The following ITGA7 variants were observed in gnomAD, a reference collection of about 807,000 sequenced individuals.
ITGA7 encodes integrin alpha-7.
ITGA7 carries 84 observed loss-of-function variants against 131.6 expected under a neutral mutation model. That is an observed-to-expected ratio of 0.64 (90% CI 0.54 to 0.77). The LOEUF (loss-of-function observed/expected upper bound fraction) is 0.77, where lower values mean the gene tolerates loss of function less well. ITGA7 is among the 30% of genes least tolerant of loss of function. The probability of loss-of-function intolerance (pLI) is 0.00; values close to 1 mark genes in which losing one functional copy is unlikely to be tolerated. For missense variants in ITGA7, 1,399 were observed against 1,482.9 expected (o/e 0.94, Z 0.93); for synonymous variants, 548 against 600.7 (o/e 0.91, Z 1.28).
intron 4 of ITGA7, chr12:55,700,506 TC>T: frequency 2.3e-6 from 3 of 1,313,026 alleles, no homozygotes; most frequent in Non-Finnish European, 3.1e-6. Context: ...TCTAGCCCTC[TC>T]CCCACCCTGT....
upstream of ITGA7, among the ~76,000 whole-genome samples, chr12:55,709,903 C>T (rs1169742576): frequency 1.3e-5 from 2 of 152,070 alleles, no homozygotes; most frequent in African/African-American, 2.4e-5. Context: ...GAGAGGCCAC[C>T]CAAAATTAGC....
rs772057526 is a variant in ITGA7, at chr12:55,701,173, G to A, written c.415-19C>T. Reference sequence around the variant, plus strand: ...CACAGGTCTGGGGGAGGAAGGGATGGGGATCATTTCACTCTGTGGGCCAGG... The same window carrying A: ...CACAGGTCTGGGGGAGGAAGGGATGAGGATCATTTCACTCTGTGGGCCAGG... On this transcript the variant is annotated intron_variant, in intron 3 of 24. Transcript: ENST00000257879. The A allele has an allele frequency of 3.7e-6, 6 of 1,614,128 alleles. No homozygotes were observed. Among genetic ancestry groups the A allele is most frequent in the Non-Finnish European group, 5.1e-6 (6 of 1,180,030 alleles).
rs113343213 is a variant in ITGA7 at position 55,698,805 on chromosome 12, G to T, written c.903C>A (p.Ser301Arg). ...TAACCTCGGGCACCAGGCGACTGGCGCTGTCCTTGCGCAGGATGACCACAG... is the reference window on the plus strand; with the variant it reads ...TAACCTCGGGCACCAGGCGACTGGCTCTGTCCTTGCGCAGGATGACCACAG... ...KGAVVILRKD[S>R]ASRLVPEVML... Residue 301 changes from serine to arginine, a missense_variant, in exon 6 of 25, where the codon AGC (serine) becomes AGA (arginine). Physicochemically the swap from Ser to Arg is moderately radical, Grantham distance 110 (BLOSUM62 -1). Coordinates refer to ENST00000257879, the MANE Select transcript of ITGA7 (RefSeq NM_002206.3). 1 of 1,614,116 alleles carries T rather than the reference G, an allele frequency of 6.2e-7. No individual in the cohort carries two copies.
At chr12:55,709,169 C>T (rs1230125572), upstream of ITGA7, among the ~76,000 whole-genome samples, 1 of 152,168 alleles carries the variant, frequency 6.6e-6, no homozygotes, top group African/African-American at 2.4e-5. Flanking sequence ...GTCTCTGCCA[C>T]ACTTGGAATC....
At chr12:55,687,612 T>C (rs1361752602) in intron 24 of ITGA7, among the ~76,000 whole-genome samples, 1 of 149,442 alleles carries the variant, frequency 6.7e-6, no homozygotes, top group Non-Finnish European at 1.5e-5. Flanking sequence ...TGCCTCAGCC[T>C]CCCAAGTAGC....
upstream of ITGA7, chr12:55,715,972 C>G: frequency 6.9e-7 from 1 of 1,457,344 alleles, no homozygotes; most frequent in Non-Finnish European, 9.0e-7. Flanking sequence ...CAACCCTCTA[C>G]CTCTCTTCCC....
chr12:55,694,659 G>T lies in ITGA7; in HGVS notation c.2233C>A (p.His745Asn). 6.2e-7 allele frequency: 1 copy of T among 1,614,152 alleles called. No individual in the cohort carries two copies. The highest frequency in any genetic ancestry group is 8.5e-7 in the Non-Finnish European group (1 of 1,180,022). Residue 745 changes from histidine to asparagine, a missense_variant, in exon 16 of 25, where the codon CAT becomes AAT. Transcript: ENST00000257879. The surrounding 1 kb of genome is among the most constrained non-coding windows in gnomAD (Gnocchi z 5.3). ...GGGTTCCCCAGCTCACACTCAACAT[G>T]GGAGGCATTCTCATTGGACAGGCAG... ...PLCLSNENAS[H>N]VECELGNPMK... is the part of the protein sequence containing the mutation.
At chr12:55,713,987 G>A (rs7975919), upstream of ITGA7, among the ~76,000 whole-genome samples, 4,684 of 152,310 alleles carry the variant, frequency 0.031, 232 homozygotes, top group African/African-American at 0.11. Flanking sequence ...ATCACAAAAT[G>A]AGAGAATGCC....
upstream of ITGA7, chr12:55,715,961 G>C: frequency 2.1e-6 from 3 of 1,423,554 alleles, no homozygotes; most frequent in South Asian, 1.4e-5. Context: ...CCTGCCCTCC[G>C]CAACCCTCTA....
intron 24 of ITGA7, among the ~76,000 whole-genome samples, chr12:55,686,833 C>T (rs572469201): frequency 6.6e-6 from 1 of 152,214 alleles, no homozygotes; most frequent in Non-Finnish European, 1.5e-5. Context: ...CCCTGGAGGC[C>T]GTTCTCCGTG....
chr12:55,704,513 GCAC>G (rs1874778074), intron 1 of ITGA7, among the ~76,000 whole-genome samples: 1 of 152,188 alleles, frequency 6.6e-6, no homozygotes, highest in South Asian at 2.1e-4. Context: ...TATTTATTCA[GCAC>G]CTACTATGAC....
upstream of ITGA7, chr12:55,716,324 G>T (rs1876522439): frequency 2.0e-6 from 3 of 1,493,214 alleles, no homozygotes; most frequent in Admixed American, 8.1e-5. Flanking sequence ...GCATGGGGGA[G>T]AGGGAATTTC....
At chr12:55,708,872 T>C (rs764955052), upstream of ITGA7, among the ~76,000 whole-genome samples, 41 of 152,178 alleles carry the variant, frequency 2.7e-4, no homozygotes, top group Admixed American at 1.5e-3. Flanking sequence ...CAGGGACCCA[T>C]TGGCCTGTCC....
chr12:55,688,759 C>A, intron 22 of ITGA7, 85 bp downstream of exon 22: 1 of 986,692 alleles, frequency 1.0e-6, no homozygotes, highest in Non-Finnish European at 1.6e-6. Flanking sequence ...TGCATTTGGA[C>A]AGTGAGGAAG....
At chr12:55,692,717 C>T in intron 21 of ITGA7, 127 bp downstream of exon 21, 1 of 1,268,772 alleles carries the variant, frequency 7.9e-7, no homozygotes, top group Non-Finnish European at 1.1e-6. Flanking sequence ...CGGGCACCCC[C>T]TCCTATGAAT....
rs1318439699 is a variant in ITGA7 at position 55,694,331 on chromosome 12, C to T, written c.2358-1G>A. The T allele has an allele frequency of 2.5e-6, 4 of 1,613,776 alleles. No individual in the cohort carries two copies. Among genetic ancestry groups the T allele is most frequent in the East Asian group, 2.2e-5 (1 of 44,878 alleles). ...TGGATGCAGCTCCTGCTCACTGATC[C>T]TGGTGAGTGGGCAGGGGCAAGTATG... On this transcript the variant is annotated splice_acceptor_variant, in intron 17 of 24. Transcript: ENST00000257879. LOFTEE classifies it high-confidence loss of function. This position sits in a 1 kb window ranked among gnomAD's most constrained non-coding sequence, Gnocchi z 5.3.
upstream of ITGA7, chr12:55,708,134 T>A (rs1233383471): frequency 1.5e-5 from 10 of 685,152 alleles, no homozygotes; most frequent in African/African-American, 2.0e-5. Context: ...CCCAACCCCA[T>A]CCCCACCCCG....
At chr12:55,700,620 G>T in intron 4 of ITGA7, 1 of 632,776 alleles carries the variant, frequency 1.6e-6, no homozygotes. Context: ...CAGTGATGAG[G>T]TGTGGGCTAG....
At chr12:55,698,278 C>CCT (rs1873096380) in intron 7 of ITGA7, 105 bp downstream of exon 7, 1 of 1,082,518 alleles carries the variant, frequency 9.2e-7, no homozygotes, top group African/African-American at 1.6e-5. Flanking sequence ...GCTCAGGGAC[C>CCT]CTCTCTCCCT....
Sources: allele counts gnomAD v4.1 joint callset (sites outside exome capture counted in the v4.1 genomes callset), GRCh38; gene constraint gnomAD v4.1.1; non-coding constraint Gnocchi (gnomAD v3.1); transcripts MANE v1.5; gene names NCBI Gene and HGNC (gene_info 2026-07-23, HGNC 2026-07-21).